CYBC1: variants seen among roughly 807,000 people sequenced by gnomAD.
CYBC1 encodes the protein essential for reactive oxygen species protein.
In CYBC1, 22 loss-of-function variants were observed where a neutral mutation model predicts 21.7. The observed-to-expected ratio is 1.02, with a 90% CI of 0.73 to 1.45. The LOEUF (loss-of-function observed/expected upper bound fraction) is 1.45. Among genes scored for constraint, CYBC1 ranks in the 40% most tolerant of loss-of-function variants. The pLI is 0.00. For synonymous variants in CYBC1, 112 were observed against 98.7 expected, an observed-to-expected ratio of 1.13 and a Z score of -0.80; for missense variants, 237 against 242.1, an observed-to-expected ratio of 0.98 and a Z score of 0.14.
chr17:82,446,903 G>A (rs1190132077), intron 3 of CYBC1: 2 of 594,422 alleles, frequency 3.4e-6, no homozygotes, highest in South Asian at 2.0e-5. Flanking sequence ...GAGTCCACGT[G>A]AGAGAGGCAG....
At position 82,447,719 on chromosome 17, in the gene CYBC1, C is replaced by T. The variant is rs543000770; in HGVS notation, c.86-98G>A. ...AGCCACAGCCCCTGATGAGCAGGCC[C>T]TTCCCACTGTAGGAACAGCTGTGGT... On this transcript the variant is annotated intron_variant, in intron 2 of 6. Transcript: ENST00000306645. 147 of 1,077,354 alleles carry T rather than the reference C, an allele frequency of 1.4e-4. 4 individuals carry two copies. The South Asian group carries it at 1.9e-3, about 14-fold the overall frequency. The allele number at this position is 1,077,354 out of a possible 1,614,324, so 66.7% of individuals were successfully genotyped here.
intron 5 of CYBC1, 165 bp from the exon 6 acceptor site, chr17:82,444,756 C>A: frequency 2.3e-6 from 2 of 880,610 alleles, no homozygotes; most frequent in Non-Finnish European, 3.4e-6. Context: ...TGCTGTGGCC[C>A]TGAAGGCAGT....
rs775739450 is a variant in CYBC1 at position 82,446,656 on chromosome 17, C to T, written c.168G>A (p.Leu56=). Reference sequence around the variant, plus strand: ...CCTCCAAGTTCTGCACAGCCACAAACAGGCAGCCTGTGACGTAGAAGAGCT... The same window carrying T: ...CCTCCAAGTTCTGCACAGCCACAAATAGGCAGCCTGTGACGTAGAAGAGCT... ...GWKLFYVTGC[L]FVAVQNLEDW... is the part of the protein sequence containing the mutation. Residue 56 remains leucine, a synonymous_variant, in exon 4 of 7, where the codon CTG becomes CTA. Transcript: ENST00000306645. 1.2e-6 allele frequency: 2 copies of T among 1,614,052 alleles called. No homozygotes were observed. Among genetic ancestry groups the T allele is most frequent in the Non-Finnish European group, 8.5e-7 (1 of 1,180,036 alleles).
chr17:82,443,092 A>C lies in CYBC1; in HGVS notation c.*912T>G, dbSNP rs1441361322. Reference sequence around the variant, plus strand: ...TTTTTCCTGTTTGGTTAGTTTTTTTACAAAGACAGGATCTTGCTGTGTTGC... The same window carrying C: ...TTTTTCCTGTTTGGTTAGTTTTTTTCCAAAGACAGGATCTTGCTGTGTTGC... On this transcript the variant is annotated 3_prime_UTR_variant, in exon 7 of 7. Transcript: ENST00000306645. The surrounding 1 kb of genome is among the most constrained non-coding windows in gnomAD (Gnocchi z 6.7). 5.5e-6 allele frequency: 1 copy of C among 180,324 alleles called. No individual in the cohort carries two copies. The highest frequency in any genetic ancestry group is 1.2e-5 in the Non-Finnish European group (1 of 83,634). 11.2% of individuals were successfully genotyped at this position (180,324 alleles called of 1,614,324 possible).
rs778321375 is a variant in CYBC1, at chr17:82,445,972, C to A, written c.202-12G>T. The A allele has an allele frequency of 1.4e-5, 22 of 1,611,248 alleles. 1 individual carries two copies. The South Asian group carries it at 2.2e-4, about 16-fold the overall frequency. ...TCGAAGATGGCTTCCTGGAAACCGA[C>A]ATGCACTGACCACCATGAACCTCCA... On this transcript the variant is annotated splice_polypyrimidine_tract_variant and intron_variant, in intron 4 of 6. Transcript: ENST00000306645.
At position 82,449,224 on chromosome 17, in the gene CYBC1, A is replaced by G. The variant is rs1160580853; in HGVS notation, c.31T>C (p.Ser11Pro). The G allele has an allele frequency of 1.3e-6, 2 of 1,580,150 alleles. No individual in the cohort carries two copies. The highest frequency in any genetic ancestry group is 3.7e-5 in the Admixed American group (2 of 54,648). Residue 11 changes from serine to proline, a missense_variant, in exon 2 of 7, where the codon TCC becomes CCC. Physicochemically the swap from Ser to Pro is moderately conservative, Grantham distance 74. Coordinates refer to ENST00000306645, the MANE Select transcript of CYBC1 (RefSeq NM_001033046.4). ...GGAGCCCTCTTCAGATGGAGGCGGGAGCTGGTGCGGGTCTCCACCTGCAGG... is the reference window on the plus strand; with the variant it reads ...GGAGCCCTCTTCAGATGGAGGCGGGGGCTGGTGCGGGTCTCCACCTGCAGG... The part of the protein sequence containing the change: MYLQVETRTS[S>P]RLHLKRAPGI...
intron 3 of CYBC1, 146 bp downstream of exon 3, chr17:82,447,434 C>T (rs55916473): frequency 0.026 from 18,764 of 709,570 alleles, 306 homozygotes; most frequent in Middle Eastern, 0.069. Context: ...GCATGGAGGG[C>T]GCGGTGCCCG....
chr17:82,449,272 A>ACT lies in CYBC1; in HGVS notation c.-20_-19dup. Reference sequence around the variant, plus strand: ...AGGTACATCCCGAGAGGGCAGCACCACTCTCTACAGGAGGAGGGGTCTGGG... The same window carrying ACT: ...AGGTACATCCCGAGAGGGCAGCACCACTCTCTCTACAGGAGGAGGGGTCTGGG... On this transcript the variant is annotated 5_prime_UTR_variant, in exon 2 of 7. Transcript: ENST00000306645. 6.5e-7 allele frequency: 1 copy of ACT among 1,539,054 alleles called. No individual in the cohort carries two copies. Among genetic ancestry groups the ACT allele is most frequent in the Non-Finnish European group, 8.8e-7 (1 of 1,142,228 alleles).
Position 82,448,917 on chromosome 17 carries a change from A to G in CYBC1, c.85+253T>C, listed in dbSNP as rs2054438509. ...GTTCAAAACAAGTACAAAGGAAAAT[A>G]TGGTGACCTCAGAAAAGCTCATAGA... On this transcript the variant is annotated intron_variant, in intron 2 of 6. Coordinates refer to ENST00000306645, the MANE Select transcript of CYBC1 (RefSeq NM_001033046.4). 6.0e-6 allele frequency: 3 copies of G among 497,862 alleles called. No individual in the cohort carries two copies. The South Asian group carries it at 8.0e-5, about 13-fold the overall frequency. The allele number at this position is 497,862 out of a possible 1,614,324, so 30.8% of individuals were successfully genotyped here. A position where few individuals can be genotyped will look rare whatever the true frequency, so the allele number is the denominator to read the frequency against.
intron 1 of CYBC1, 197 bp downstream of exon 1, chr17:82,450,503 A>T (rs2054527466): frequency 6.6e-6 from 1 of 152,112 alleles, no homozygotes; most frequent in Non-Finnish European, 1.5e-5. Context: ...CTTTGTCCGG[A>T]TCGGGGGCGC....
rs981954941 is a variant in CYBC1 at position 82,443,376 on chromosome 17, G to A, written c.*628C>T. 9 of 488,890 alleles carry A rather than the reference G, an allele frequency of 1.8e-5. No individual in the cohort carries two copies. The highest frequency in any genetic ancestry group is 4.0e-5 in the East Asian group (1 of 24,954). 30.3% of individuals were successfully genotyped at this position (488,890 alleles called of 1,614,324 possible). A position where few individuals can be genotyped will look rare whatever the true frequency, so the allele number is the denominator to read the frequency against. ...AGATCCTGGCATCAGCAAGGGAGGC[G>A]GGTCCTCGGGGAGGGGCAGCTTCCA... is the stretch of plus-strand genomic sequence containing the variant. On this transcript the variant is annotated 3_prime_UTR_variant, in exon 7 of 7. Coordinates refer to ENST00000306645, the MANE Select transcript of CYBC1 (RefSeq NM_001033046.4). The surrounding 1 kb of genome is among the most constrained non-coding windows in gnomAD (Gnocchi z 6.7).
chr17:82,446,528 C>G (rs904099522), intron 4 of CYBC1, 95 bp downstream of exon 4: 86 of 1,247,450 alleles, frequency 6.9e-5, no homozygotes, highest in Non-Finnish European at 9.9e-5. Context: ...AGGCGCTAGG[C>G]CACCCAGGGC....
At chr17:82,449,448 G>A in intron 1 of CYBC1, 156 bp from the exon 2 acceptor site, 1 of 450,286 alleles carries the variant, frequency 2.2e-6, no homozygotes, top group Non-Finnish European at 3.9e-6. Context: ...CTGTGGTTGG[G>A]CACGTCACTG....
At chr17:82,449,359 C>T in intron 1 of CYBC1, 67 bp from the exon 2 acceptor site, 1 of 837,350 alleles carries the variant, frequency 1.2e-6, no homozygotes, top group East Asian at 3.2e-5. Context: ...GCCATCAGGC[C>T]CAGTCTGGAG....
intron 1 of CYBC1, 35 bp from the exon 2 acceptor site, chr17:82,449,327 C>A: frequency 2.4e-6 from 3 of 1,272,898 alleles, no homozygotes; most frequent in Admixed American, 3.3e-5. Flanking sequence ...GCCCTTGGGC[C>A]TGCACACAGG....
Position 82,444,101 on chromosome 17 carries a change from A to G in CYBC1, c.467T>C (p.Leu156Pro). The change falls in exon 7 of 7, where the codon CTC becomes CCC. Residue 156 changes from leucine to proline, a missense_variant. By Grantham distance (98) the Leu-to-Pro change is moderately conservative. Transcript: ENST00000306645. ...HRSDVEAIAKLITSFLELHCL... is the reference protein window; with the variant it reads ...HRSDVEAIAKPITSFLELHCL... Reference sequence around the variant, plus strand: ...GTGCAGCTCCAGGAAGCTGGTGATGAGCTTGGCGATGGCTTCCACATCACT... The same window carrying G: ...GTGCAGCTCCAGGAAGCTGGTGATGGGCTTGGCGATGGCTTCCACATCACT... The G allele has an allele frequency of 6.2e-7, 1 of 1,612,322 alleles. No individual in the cohort carries two copies. The highest frequency in any genetic ancestry group is 1.3e-5 in the African/African-American group (1 of 74,966).
rs763494508 is a variant in CYBC1 at position 82,444,513 on chromosome 17, A to G, written c.377T>C (p.Val126Ala). ...GAAGCCCGTCGCAAGCCGGAGCACC[A>G]CCATGTAGCCTTTCCCGAAGTACCG... ...KVRYFGKGYM[V>A]VLRLATGFSH... The change falls in exon 6 of 7, where the codon GTG becomes GCG. Residue 126 changes from valine (V) to alanine (A), a missense_variant. By Grantham distance (64) the Val-to-Ala change is moderately conservative. Coordinates refer to ENST00000306645, the MANE Select transcript of CYBC1 (RefSeq NM_001033046.4). The G allele has an allele frequency of 3.1e-6, 5 of 1,613,978 alleles. No homozygotes were observed. The highest frequency in any genetic ancestry group is 3.3e-5 in the Admixed American group (2 of 60,006).
chr17:82,446,967 G>A lies in CYBC1; in HGVS notation c.128-271C>T, dbSNP rs1002718054. 30 of 546,696 alleles carry A rather than the reference G, an allele frequency of 5.5e-5. 1 individual carries two copies. In the Admixed American group the frequency reaches 7.6e-4, roughly 14 times the overall value. The allele number at this position is 546,696 out of a possible 1,614,324, so 33.9% of individuals were successfully genotyped here. A position where few individuals can be genotyped will look rare whatever the true frequency, so the allele number is the denominator to read the frequency against. The stretch of plus-strand genomic sequence containing the variant: ...GGGCAGGCCCAGTGATTGTGGCAGG[G>A]TGGGAAGTACACCTCATCCCACAGC... On this transcript the variant is annotated intron_variant, in intron 3 of 6. Coordinates refer to ENST00000306645, the MANE Select transcript of CYBC1 (RefSeq NM_001033046.4).
At chr17:82,447,830 C>T (rs547093284) in intron 2 of CYBC1, 5 of 620,504 alleles carry the variant, frequency 8.1e-6, no homozygotes, top group Non-Finnish European at 8.6e-6. Context: ...CGTAGTATCA[C>T]ACACTTGTAA....
Sources: gnomAD v4.1 joint callset for allele counts on GRCh38, gnomAD v4.1.1 for gene constraint, Gnocchi (gnomAD v3.1) non-coding constraint, MANE v1.5 for transcripts, NCBI Gene and HGNC (gene_info 2026-07-23, HGNC 2026-07-21) for gene names.